IPO8: variants seen among roughly 807,000 people sequenced by gnomAD.
IPO8 encodes importin-8.
Under a neutral mutation model 141.2 loss-of-function variants are expected in IPO8, and 65 were observed. That is an observed-to-expected ratio of 0.46 (90% CI 0.38 to 0.57). IPO8 has a LOEUF of 0.57. Among genes scored for constraint, IPO8 ranks in the 20% least tolerant of loss-of-function variants. IPO8 has a pLI of 0.00. For synonymous variants in IPO8, 411 were observed against 420.3 expected (o/e 0.98, Z 0.27); for missense variants, 980 against 1,246.8 (o/e 0.79, Z 3.22).
intron 21 of IPO8, 53 bp from the exon 22 acceptor site, chr12:30,637,240 C>T: frequency 7.4e-7 from 1 of 1,345,208 alleles, no homozygotes; most frequent in Non-Finnish European, 1.1e-6. Flanking sequence ...GAATAAAGAA[C>T]AAATTCTGGA....
chr12:30,674,340 C>T (rs2053090357), intron 7 of IPO8, among the ~76,000 whole-genome samples: 1 of 152,150 alleles, frequency 6.6e-6, no homozygotes, highest in African/African-American at 2.4e-5. Flanking sequence ...AATGTTACAA[C>T]TGACATAGAT....
rs377104041 is a variant in IPO8, at chr12:30,695,327, G to C, written c.84+237C>G. Among the ~76,000 whole-genome samples, 7 of 152,326 alleles carry C rather than the reference G, an allele frequency of 4.6e-5. No homozygotes were observed. Among genetic ancestry groups the C allele is most frequent in the Non-Finnish European group, 8.8e-5 (6 of 68,022 alleles). ...GCAGAACAAACTGCCCTGGAGAAGGGAGACGACACGAAAAGGTGCAAAGGT... is the reference window on the plus strand; with the variant it reads ...GCAGAACAAACTGCCCTGGAGAAGGCAGACGACACGAAAAGGTGCAAAGGT... On this transcript the variant is annotated intron_variant, in intron 1 of 24. Coordinates refer to ENST00000256079, the MANE Select transcript of IPO8 (RefSeq NM_006390.4). The surrounding 1 kb of genome is among the most constrained non-coding windows in gnomAD (Gnocchi z 4.2).
At chr12:30,687,409 C>T (rs2053252378) in intron 2 of IPO8, among the ~76,000 whole-genome samples, 1 of 151,972 alleles carries the variant, frequency 6.6e-6, no homozygotes, top group Non-Finnish European at 1.5e-5. Flanking sequence ...TTTTCTCCTT[C>T]AGCACAATGA....
chr12:30,630,585 T>C lies in IPO8; in HGVS notation c.*275A>G, dbSNP rs2052417388. 2.6e-6 allele frequency: 1 copy of C among 388,446 alleles called. No homozygotes were observed. The highest frequency in any genetic ancestry group is 4.6e-6 in the Non-Finnish European group (1 of 219,390). 24.1% of individuals were successfully genotyped at this position (388,446 alleles called of 1,614,324 possible). Reference sequence around the variant, plus strand: ...TCTATCCAATCCTCTAAAACAACCTTGGGCATTCAGCCTTTGGAACATATG... The same window carrying C: ...TCTATCCAATCCTCTAAAACAACCTCGGGCATTCAGCCTTTGGAACATATG... On this transcript the variant is annotated 3_prime_UTR_variant, in exon 25 of 25. Transcript: ENST00000256079.
In IPO8 at chr12:30,656,675, T is replaced by C. The variant is rs778819970; in HGVS notation, c.1948+9A>G. ...TCAATTTATCTTTTTATTTAACCTT[T>C]GAACTTACCAATTACATGTTTCTGC... On this transcript the variant is annotated intron_variant, in intron 17 of 24. Coordinates refer to ENST00000256079, the MANE Select transcript of IPO8 (RefSeq NM_006390.4). The C allele has an allele frequency of 6.6e-7, 1 of 1,517,852 alleles. No homozygotes were observed. The highest frequency in any genetic ancestry group is 1.4e-5 in the African/African-American group (1 of 71,804). 94.0% of individuals were successfully genotyped at this position (1,517,852 alleles called of 1,614,324 possible). A position where few individuals can be genotyped will look rare whatever the true frequency, so the allele number is the denominator to read the frequency against.
chr12:30,667,224 GTA>G, intron 10 of IPO8, among the ~76,000 whole-genome samples: 1 of 152,174 alleles, frequency 6.6e-6, no homozygotes, highest in African/African-American at 2.4e-5. Flanking sequence ...TAGTTCATGT[GTA>G]TTATCCCATT....
Position 30,630,877 on chromosome 12 carries a change from C to T in IPO8, c.3097G>A (p.Val1033Met), listed in dbSNP as rs765087763. ...GVLSAFNFGT[V>M]PSNN The stretch of plus-strand genomic sequence containing the variant: ...TCTTTCCTTCAGTTGTTGCTGGGCA[C>T]AGTCCCAAAATTAAATGCGGAGAGG... The change falls in exon 25 of 25, where the codon GTG becomes ATG. Residue 1033 changes from valine (V) to methionine (M), a missense_variant. Physicochemically the swap from Val to Met is conservative, Grantham distance 21. Transcript: ENST00000256079. 1.9e-6 allele frequency: 3 copies of T among 1,612,966 alleles called. No individual in the cohort carries two copies. Among genetic ancestry groups the T allele is most frequent in the Non-Finnish European group, 8.5e-7 (1 of 1,179,266 alleles).
At chr12:30,654,693 AGAC>A (rs1318871103) in intron 17 of IPO8, among the ~76,000 whole-genome samples, 3 of 152,084 alleles carry the variant, frequency 2.0e-5, no homozygotes, top group Non-Finnish European at 4.4e-5. Flanking sequence ...ATTATCAAAA[AGAC>A]GAAAGTTAAA....
At chr12:30,638,553 G>C (rs10843799) in intron 21 of IPO8, among the ~76,000 whole-genome samples, 80,501 of 151,988 alleles carry the variant, frequency 0.53, 21,738 homozygotes, top group African/African-American at 0.61. Flanking sequence ...TTTCCAGTTA[G>C]ATATTAGATA....
chr12:30,690,707 G>A (rs2053283889), intron 1 of IPO8, 130 bp from the exon 2 acceptor site: 1 of 518,478 alleles, frequency 1.9e-6, no homozygotes. Context: ...AACCCTTCAA[G>A]GCAAAATGAA....
chr12:30,634,986 G>C (rs1364815614), intron 22 of IPO8, among the ~76,000 whole-genome samples: 2 of 152,124 alleles, frequency 1.3e-5, no homozygotes, highest in Non-Finnish European at 2.9e-5. Flanking sequence ...ACACTATTCA[G>C]CTTTTAAAAA....
At position 30,681,758 on chromosome 12, in the gene IPO8, G is replaced by A. The variant is rs779509380; in HGVS notation, c.383C>T (p.Pro128Leu). ...ATAGTCTATCTTGTCGACCACTCCT[G>A]GCCAGTGACCAGGAAAATCATGTTT... ...IIKHDFPGHW[P>L]GVVDKIDYYL... The change falls in exon 4 of 25, where the codon CCA becomes CTA. Residue 128 changes from proline to leucine, a missense_variant. Pro to Leu is a moderately conservative substitution (Grantham distance 98). Transcript: ENST00000256079. 1 of 1,613,676 alleles carries A rather than the reference G, an allele frequency of 6.2e-7. No homozygotes were observed. Among genetic ancestry groups the A allele is most frequent in the East Asian group, 2.2e-5 (1 of 44,864 alleles).
chr12:30,671,183 A>G, intron 8 of IPO8, 87 bp from the exon 9 acceptor site: 1 of 769,274 alleles, frequency 1.3e-6, no homozygotes, highest in Non-Finnish European at 2.1e-6. Context: ...CCTAAAATTC[A>G]GAATCCATAG....
At chr12:30,660,121 G>A (rs2136147619) in intron 16 of IPO8, among the ~76,000 whole-genome samples, 1 of 152,226 alleles carries the variant, frequency 6.6e-6, no homozygotes, top group Non-Finnish European at 1.5e-5. Flanking sequence ...TCCTCGGGAG[G>A]CTGAGGCAGG....
In IPO8 at chr12:30,630,921, G is replaced by A; in HGVS notation, c.3053C>T (p.Thr1018Ile). Reference protein sequence around the residue: ...KKKIEQQGGFTFENKGVLSAF... With the variant: ...KKKIEQQGGFIFENKGVLSAF... ...GGAGAGGACTCCTTTGTTTTCAAAG[G>A]TGAAGCCTCCCTGTTGTTCAATCTT... The change falls in exon 25 of 25, where the codon ACC becomes ATC. Residue 1018 changes from threonine to isoleucine, a missense_variant. By Grantham distance (89) the Thr-to-Ile change is moderately conservative (BLOSUM62 -1). This residue lies in a region of IPO8 where 924 missense variants were observed against 1,153.9 expected (regional missense o/e 0.80). Coordinates refer to ENST00000256079, the MANE Select transcript of IPO8 (RefSeq NM_006390.4). The A allele has an allele frequency of 6.2e-7, 1 of 1,613,658 alleles. No individual in the cohort carries two copies. Among genetic ancestry groups the A allele is most frequent in the Non-Finnish European group, 8.5e-7 (1 of 1,179,962 alleles).
chr12:30,655,548 C>T (rs767923218), intron 17 of IPO8, among the ~76,000 whole-genome samples: 12 of 152,138 alleles, frequency 7.9e-5, no homozygotes, highest in Non-Finnish European at 1.6e-4. Context: ...TCCCCTCCCT[C>T]CACTTCCTGC....
At position 30,674,640 on chromosome 12, in the gene IPO8, G is replaced by A; in HGVS notation, c.824+19C>T. On this transcript the variant is annotated intron_variant, in intron 7 of 24. Coordinates refer to ENST00000256079, the MANE Select transcript of IPO8 (RefSeq NM_006390.4). Reference sequence around the variant, plus strand: ...AGATACTGGCTGTATGATCATCAATGTAATAAACAGATAATTACCGTTCAA... The same window carrying A: ...AGATACTGGCTGTATGATCATCAATATAATAAACAGATAATTACCGTTCAA... 1.3e-6 allele frequency: 2 copies of A among 1,532,342 alleles called. No homozygotes were observed. The highest frequency in any genetic ancestry group is 1.8e-6 in the Non-Finnish European group (2 of 1,105,922). 94.9% of individuals were successfully genotyped at this position (1,532,342 alleles called of 1,614,324 possible).
At chr12:30,632,312 G>A (rs2052444419) in intron 23 of IPO8, among the ~76,000 whole-genome samples, 1 of 152,150 alleles carries the variant, frequency 6.6e-6, no homozygotes, top group Non-Finnish European at 1.5e-5. Flanking sequence ...CAGAACACCA[G>A]TACTCACTTG....
intron 19 of IPO8, among the ~76,000 whole-genome samples, chr12:30,650,490 A>G (rs904712722): frequency 1.3e-5 from 2 of 152,080 alleles, no homozygotes; most frequent in African/African-American, 4.8e-5. Flanking sequence ...CTAGGACAGT[A>G]TACCACAGTC....
Sources: gnomAD v4.1 joint callset for allele counts (sites outside exome capture counted in the v4.1 genomes callset) on GRCh38, gnomAD v4.1.1 for gene constraint, gnomAD v4.1.1 regional missense constraint, Gnocchi (gnomAD v3.1) non-coding constraint, MANE v1.5 for transcripts, NCBI Gene and HGNC (gene_info 2026-07-23, HGNC 2026-07-21) for gene names.